Variants in HECW2 observed in about 807,000 individuals in gnomAD.
HECW2 encodes E3 ubiquitin-protein ligase HECW2.
A neutral mutation model predicts 175.2 loss-of-function variants in HECW2; 61 were observed. The ratio of observed to expected loss-of-function variants is 0.35; its 90% CI spans 0.28 to 0.43. The LOEUF (loss-of-function observed/expected upper bound fraction) is 0.43. Ranked by LOEUF, HECW2 falls within the 20% of genes least tolerant of loss-of-function variation. The pLI is 1.00. For synonymous variants in HECW2, 671 were observed against 731.0 expected (o/e 0.92, Z 1.32); for missense variants, 1,524 against 2,000.5 (o/e 0.76, Z 4.54).
intron 21 of HECW2, among the ~76,000 whole-genome samples, chr2:196,236,859 A>G (rs1367303387): frequency 2.6e-5 from 4 of 152,222 alleles, no homozygotes; most frequent in Non-Finnish European, 5.9e-5. Context: ...CCTGACTGCC[A>G]TAGTGTTTGT....
At chr2:196,366,436 G>A (rs185453356) in intron 2 of HECW2, among the ~76,000 whole-genome samples, 160 of 152,120 alleles carry the variant, frequency 1.1e-3, no homozygotes, top group African/African-American at 3.4e-3. Flanking sequence ...CATTACTTTC[G>A]TACACAAAAA....
At chr2:196,358,583 C>A (rs1693467005) in intron 2 of HECW2, among the ~76,000 whole-genome samples, 1 of 45,462 alleles carries the variant, frequency 2.2e-5, no homozygotes. Context: ...AAGACTCTGT[C>A]TCAAAAAAAA....
intron 5 of HECW2, 59 bp downstream of exon 5, chr2:196,329,516 T>G: frequency 7.2e-7 from 1 of 1,390,606 alleles, no homozygotes; most frequent in Non-Finnish European, 1.0e-6. Flanking sequence ...GAAGTGACTA[T>G]TCATACCTTC....
rs775308866 is a variant in HECW2, at chr2:196,306,594, A to T, written c.2708T>A (p.Ile903Asn). Residue 903 changes from isoleucine (I) to asparagine (N), a missense_variant, in exon 13 of 29, where the codon ATC becomes AAC. Physicochemically the swap from Ile to Asn is moderately radical, Grantham distance 149. Transcript: ENST00000644978. The part of the protein sequence containing the change: ...QASADFRREN[I>N]LPHSTSRSRI... ...GGATCTGGAGGTAGAGTGAGGCAGG[A>T]TGTTCTCCCGTCGGAAATCTAGATG... 6.2e-7 allele frequency: 1 copy of T among 1,612,630 alleles called. No individual in the cohort carries two copies. The highest frequency in any genetic ancestry group is 1.7e-5 in the Admixed American group (1 of 59,786).
chr2:196,247,359 T>C (rs1358663677), intron 19 of HECW2, among the ~76,000 whole-genome samples: 1 of 152,226 alleles, frequency 6.6e-6, no homozygotes, highest in Non-Finnish European at 1.5e-5. Flanking sequence ...GCAGGAATGA[T>C]GTTACTTCCA....
Position 196,273,049 on chromosome 2 carries a change from A to ATTTTTTTTTTTTTTTTTTTTT in HECW2, c.3238+951_3238+971dup, listed in dbSNP as rs778348590. Among the ~76,000 whole-genome samples the ATTTTTTTTTTTTTTTTTTTTT allele has an allele frequency of 1.8e-4, 20 of 113,108 alleles. 1 individual carries two copies. Among genetic ancestry groups the ATTTTTTTTTTTTTTTTTTTTT allele is most frequent in the African/African-American group, 5.4e-4 (14 of 26,004 alleles). 74.2% of individuals were successfully genotyped at this position (113,108 alleles called of 152,430 possible). A position where few individuals can be genotyped will look rare whatever the true frequency, so the allele number is the denominator to read the frequency against. Reference sequence around the variant, plus strand: ...CAAAGATAAATGGAGAGCTGGTCTAATTTTTTTTTTTTTTTTTTTTTTTTT... The same window carrying ATTTTTTTTTTTTTTTTTTTTT: ...CAAAGATAAATGGAGAGCTGGTCTAATTTTTTTTTTTTTTTTTTTTTTTTTTTTTTTTTTTTTTTTTTTTTT... On this transcript the variant is annotated intron_variant, in intron 16 of 28. Transcript: ENST00000644978.
At chr2:196,575,189 C>T (rs949691293) in intron 1 of HECW2, among the ~76,000 whole-genome samples, 3 of 149,844 alleles carry the variant, frequency 2.0e-5, no homozygotes, top group Non-Finnish European at 3.0e-5. Flanking sequence ...ACATCACTAA[C>T]CACCAGAGAA....
chr2:196,242,350 A>G lies in HECW2; in HGVS notation c.3530-146T>C, dbSNP rs904391763. 3 of 1,038,762 alleles carry G rather than the reference A, an allele frequency of 2.9e-6. No individual in the cohort carries two copies. The African/African-American group carries it at 4.9e-5, about 17-fold the overall frequency. The allele number at this position is 1,038,762 out of a possible 1,614,324, so 64.3% of individuals were successfully genotyped here. A position where few individuals can be genotyped will look rare whatever the true frequency, so the allele number is the denominator to read the frequency against. On this transcript the variant is annotated intron_variant, in intron 19 of 28. Transcript: ENST00000644978. ...TGCATTTTTGATTTCTGCAAGTTGA[A>G]GGATATAACAAACCTCAACCAAGGT...
At chr2:196,450,011 C>T (rs1696297579) in intron 1 of HECW2, among the ~76,000 whole-genome samples, 1 of 152,196 alleles carries the variant, frequency 6.6e-6, no homozygotes, top group African/African-American at 2.4e-5. Context: ...CCTCCCCTGG[C>T]TTTCTGCAAG....
At chr2:196,385,322 A>G (rs1311833050) in intron 2 of HECW2, among the ~76,000 whole-genome samples, 1 of 152,220 alleles carries the variant, frequency 6.6e-6, no homozygotes, top group Non-Finnish European at 1.5e-5. Flanking sequence ...TAATCAGAAT[A>G]TAAAAGCTCT....
At chr2:196,371,853 G>A (rs926728108) in intron 2 of HECW2, among the ~76,000 whole-genome samples, 8 of 152,134 alleles carry the variant, frequency 5.3e-5, no homozygotes, top group Non-Finnish European at 7.4e-5. Context: ...TACTTACTGT[G>A]AATCTGTCAG....
At chr2:196,354,513 G>A (rs533918576) in intron 2 of HECW2, among the ~76,000 whole-genome samples, 1 of 152,328 alleles carries the variant, frequency 6.6e-6, no homozygotes, top group African/African-American at 2.4e-5. Context: ...TCCTGCTGTG[G>A]GGGCTGAGAA....
Position 196,319,857 on chromosome 2 carries a change from T to C in HECW2, c.1033A>G (p.Asn345Asp). The C allele has an allele frequency of 6.2e-7, 1 of 1,613,740 alleles. No individual in the cohort carries two copies. Among genetic ancestry groups the C allele is most frequent in the Non-Finnish European group, 8.5e-7 (1 of 1,179,682 alleles). The change falls in exon 9 of 29, where the codon AAT becomes GAT. Residue 345 changes from asparagine (N) to aspartate (D), a missense_variant. Around this residue, in one of 11 missense-constraint regions of HECW2, gnomAD observed 604 missense variants for 588.3 expected, o/e 1.03. Coordinates refer to ENST00000644978, the MANE Select transcript of HECW2 (RefSeq NM_001348768.2). ...TCGGAAGGGCTACCTAAGTCTCCAT[T>C]CACAGAATTGACTCCAAGTATTGTG... is the stretch of plus-strand genomic sequence containing the variant. Reference protein sequence around the residue: ...VGTILGVNSVNGDLGSPSDDE... With the variant: ...VGTILGVNSVDGDLGSPSDDE...
At chr2:196,336,032 G>T (rs1377010730) in intron 3 of HECW2, among the ~76,000 whole-genome samples, 2 of 152,138 alleles carry the variant, frequency 1.3e-5, no homozygotes, top group Admixed American at 1.3e-4. Flanking sequence ...GAGTCAGAAA[G>T]GTGTCATGGA....
At chr2:196,253,772 C>T (rs909053508) in intron 19 of HECW2, 148 bp downstream of exon 19, 12 of 616,522 alleles carry the variant, frequency 1.9e-5, no homozygotes, top group Admixed American at 5.8e-5. Flanking sequence ...GCCACTCTTA[C>T]GAGACAGGAA....
chr2:196,340,201 T>TTAGAAACTG (rs1692695720), intron 3 of HECW2, among the ~76,000 whole-genome samples: 1 of 152,162 alleles, frequency 6.6e-6, no homozygotes, highest in Non-Finnish European at 1.5e-5. Context: ...TCTAATCTCT[T>TTAGAAACTG]CACAATTTTA....
At chr2:196,252,775 T>C (rs1414820237) in intron 19 of HECW2, among the ~76,000 whole-genome samples, 1 of 152,246 alleles carries the variant, frequency 6.6e-6, no homozygotes, top group Non-Finnish European at 1.5e-5. Flanking sequence ...CTCCCTTCAC[T>C]AGAATGTCCT....
At chr2:196,532,647 G>A (rs543062675) in intron 1 of HECW2, among the ~76,000 whole-genome samples, 14 of 151,612 alleles carry the variant, frequency 9.2e-5, no homozygotes, top group African/African-American at 3.2e-4. Flanking sequence ...AATAGTATGT[G>A]CAATAGGGAA....
chr2:196,430,467 C>A (rs1695677405), intron 2 of HECW2, among the ~76,000 whole-genome samples: 1 of 151,686 alleles, frequency 6.6e-6, no homozygotes, highest in South Asian at 2.1e-4. Flanking sequence ...CATGAGATGG[C>A]CTAGATGTTG....
Sources: allele counts gnomAD v4.1 joint callset (sites outside exome capture counted in the v4.1 genomes callset), GRCh38; gene constraint gnomAD v4.1.1; regional missense constraint gnomAD v4.1.1; transcripts MANE v1.5; gene names NCBI Gene and HGNC (gene_info 2026-07-23, HGNC 2026-07-21).